PCM1: variants seen among roughly 807,000 people sequenced by gnomAD.
PCM1 encodes the protein pericentriolar material 1, also known as pericentriolar material 1 protein.
Under a neutral mutation model 241.9 loss-of-function variants are expected in PCM1, and 157 were observed. That is an observed-to-expected ratio of 0.65 (90% CI 0.57 to 0.74). PCM1 has a LOEUF of 0.74. PCM1 is among the 30% of genes least tolerant of loss of function. The pLI, the probability that PCM1 is intolerant of heterozygous loss-of-function variation, is 0.00. For missense variants in PCM1, 3,478 were observed against 2,360.1 expected, an observed-to-expected ratio of 1.47 and a Z score of -9.81; for synonymous variants, 1,085 against 784.9, an observed-to-expected ratio of 1.38 and a Z score of -6.39.
At chr8:17,941,728 G>C (rs2062118929) in intron 6 of PCM1, among the ~76,000 whole-genome samples, 1 of 152,100 alleles carries the variant, frequency 6.6e-6, no homozygotes, top group South Asian at 2.1e-4. Context: ...ACAGGTTTCA[G>C]ACATTGACGT....
chr8:17,964,461 T>A, intron 17 of PCM1, 107 bp from the exon 18 acceptor site: 1 of 751,190 alleles, frequency 1.3e-6, no homozygotes, highest in Non-Finnish European at 2.1e-6. Flanking sequence ...AAATTTTATA[T>A]ACAGACATGT....
At chr8:18,010,788 C>G in intron 32 of PCM1, 120 bp downstream of exon 32, 1 of 646,324 alleles carries the variant, frequency 1.5e-6, no homozygotes, top group Admixed American at 3.1e-5. Context: ...CCAGACCAGC[C>G]TGGCCAACAT....
chr8:17,977,815 G>A (rs991149382), intron 23 of PCM1, among the ~76,000 whole-genome samples: 1 of 152,114 alleles, frequency 6.6e-6, no homozygotes, highest in African/African-American at 2.4e-5. Flanking sequence ...CGAAAATGTT[G>A]CTTGACCACA....
intron 2 of PCM1, among the ~76,000 whole-genome samples, chr8:17,931,917 A>G (rs1383003212): frequency 6.6e-6 from 1 of 152,176 alleles, no homozygotes. Flanking sequence ...TGTTCCTGAA[A>G]ATATGAGACA....
At chr8:17,940,789 A>G (rs903578976) in intron 6 of PCM1, among the ~76,000 whole-genome samples, 1 of 152,194 alleles carries the variant, frequency 6.6e-6, no homozygotes, top group Non-Finnish European at 1.5e-5. Context: ...ACTTTGAGGA[A>G]AGATTTCTAA....
intron 5 of PCM1, 21 bp downstream of exon 5, chr8:17,939,030 T>C (rs775945189): frequency 1.9e-6 from 3 of 1,611,486 alleles, no homozygotes; most frequent in Non-Finnish European, 2.5e-6. Flanking sequence ...TTGTTTCTTT[T>C]GCTCATTCTT....
chr8:18,028,752 C>G lies in PCM1; in HGVS notation c.*1090C>G. ...GAGTAAGTCAATCTTATAGATTCTT[C>G]TTCCTCGAATAAAATACAAAGAATT... On this transcript the variant is annotated 3_prime_UTR_variant, in exon 39 of 39. Coordinates refer to ENST00000325083, the MANE Select transcript of PCM1 (RefSeq NM_006197.4). The G allele has an allele frequency of 5.1e-6, 1 of 195,344 alleles. No homozygotes were observed. The allele number at this position is 195,344 out of a possible 1,614,324, so 12.1% of individuals were successfully genotyped here. A position where few individuals can be genotyped will look rare whatever the true frequency, so the allele number is the denominator to read the frequency against.
intron 21 of PCM1, among the ~76,000 whole-genome samples, chr8:17,969,142 G>A (rs2076041374): frequency 6.6e-6 from 1 of 152,052 alleles, no homozygotes; most frequent in Non-Finnish European, 1.5e-5. Flanking sequence ...CATAAGCGTA[G>A]GAGTCATACA....
At chr8:17,991,154 G>T (rs560923217) in intron 27 of PCM1, among the ~76,000 whole-genome samples, 1 of 151,706 alleles carries the variant, frequency 6.6e-6, no homozygotes, top group Non-Finnish European at 1.5e-5. Context: ...GCTTGTTTTA[G>T]GTTGCGTTGT....
In PCM1 at chr8:17,993,428, A is replaced by G. The variant is rs558314898; in HGVS notation, c.4691-55A>G. ...TTTTCAAATTTCAACATAAAGGCAT[A>G]TATGTATATATAATAGGCTTTGTTA... On this transcript the variant is annotated intron_variant, in intron 28 of 38. Transcript: ENST00000325083. 18 of 1,186,586 alleles carry G rather than the reference A, an allele frequency of 1.5e-5. No homozygotes were observed. In the African/African-American group the frequency reaches 2.8e-4, roughly 19 times the overall value. 73.5% of individuals were successfully genotyped at this position (1,186,586 alleles called of 1,614,324 possible).
intron 36 of PCM1, among the ~76,000 whole-genome samples, chr8:18,019,581 G>A (rs944105568): frequency 1.3e-5 from 2 of 152,182 alleles, no homozygotes; most frequent in Non-Finnish European, 2.9e-5. Context: ...CACAGCATCA[G>A]GCATTAGAGT....
intron 6 of PCM1, among the ~76,000 whole-genome samples, chr8:17,943,838 A>G (rs1231633610): frequency 6.6e-6 from 1 of 152,154 alleles, no homozygotes; most frequent in African/African-American, 2.4e-5. Flanking sequence ...AAAATGTAGT[A>G]TTCTGTTAGA....
In PCM1 at chr8:18,014,634, G is replaced by A. The variant is rs2092946755; in HGVS notation, c.5635G>A (p.Asp1879Asn). 6.2e-7 allele frequency: 1 copy of A among 1,613,008 alleles called. No individual in the cohort carries two copies. The highest frequency in any genetic ancestry group is 1.7e-5 in the Admixed American group (1 of 59,984). Residue 1879 changes from aspartate to asparagine, a missense_variant, in exon 36 of 39, where the codon GAT becomes AAT. By Grantham distance (23) the Asp-to-Asn change is conservative (BLOSUM62 1). Coordinates refer to ENST00000325083, the MANE Select transcript of PCM1 (RefSeq NM_006197.4). ...VKPCYLNILEDEQPLNSAAHK... is the reference protein window; with the variant it reads ...VKPCYLNILENEQPLNSAAHK... ...ACCCTGTTACCTCAATATCTTGGAA[G>A]ATGAGCAACCTTTAAATAGTGCTGC...
At position 18,013,991 on chromosome 8, in the gene PCM1, GC is replaced by G; in HGVS notation, c.5540del (p.Ala1847GlufsTer23). ...QVLQRDFKKTAESKNVPLERE... is the reference protein window; with the variant it reads ...QVLQRDFKKTXESKNVPLERE... ...CCTACAACGTGACTTTAAAAAGACA[GC>G]AGAAAGCAAAAATGTCCCATTGGAA... On this transcript the variant is annotated frameshift_variant, in exon 35 of 39. Transcript: ENST00000325083. LOFTEE classifies it high-confidence loss of function. The G allele has an allele frequency of 6.2e-7, 1 of 1,602,584 alleles. No homozygotes were observed. Among genetic ancestry groups the G allele is most frequent in the South Asian group, 1.1e-5 (1 of 88,362 alleles).
At chr8:17,961,602 C>T (rs1348299584) in intron 15 of PCM1, among the ~76,000 whole-genome samples, 1 of 152,188 alleles carries the variant, frequency 6.6e-6, no homozygotes, top group Non-Finnish European at 1.5e-5. Context: ...TGAGCCACCG[C>T]TCCCGGCCTA....
chr8:17,989,652 T>A (rs2083819989), intron 26 of PCM1, among the ~76,000 whole-genome samples: 1 of 152,064 alleles, frequency 6.6e-6, no homozygotes, highest in Non-Finnish European at 1.5e-5. Flanking sequence ...TCTGCAAGGC[T>A]ACTTATATCA....
intron 15 of PCM1, among the ~76,000 whole-genome samples, chr8:17,961,687 C>A (rs1003593773): frequency 6.6e-6 from 1 of 152,172 alleles, no homozygotes; most frequent in Non-Finnish European, 1.5e-5. Context: ...ATTTTCTAAA[C>A]CCTTGCCTTT....
At chr8:18,022,751 C>G (rs2283114) in intron 36 of PCM1, among the ~76,000 whole-genome samples, 69,004 of 152,084 alleles carry the variant, frequency 0.45, 17,449 homozygotes, top group Non-Finnish European at 0.59. Flanking sequence ...GGAGACTGCT[C>G]TCCTATATAA....
chr8:17,953,814 GC>G (rs1471116865), intron 9 of PCM1, among the ~76,000 whole-genome samples: 1 of 150,874 alleles, frequency 6.6e-6, no homozygotes, highest in Non-Finnish European at 1.5e-5. Context: ...TTCAAACATG[GC>G]CCCTGTCTCA....
Sources: allele counts gnomAD v4.1 joint callset (sites outside exome capture counted in the v4.1 genomes callset), GRCh38; gene constraint gnomAD v4.1.1; transcripts MANE v1.5; gene names NCBI Gene and HGNC (gene_info 2026-07-23, HGNC 2026-07-21).